Variants in WDFY4 observed in about 807,000 individuals in gnomAD.
WDFY4 encodes the protein WD repeat- and FYVE domain-containing protein 4.
A neutral mutation model predicts 351.9 loss-of-function variants in WDFY4; 169 were observed. The observed-to-expected ratio is 0.48, with a 90% CI of 0.42 to 0.55. WDFY4 has a LOEUF of 0.55. WDFY4 is among the 20% of genes least tolerant of loss of function. WDFY4 has a pLI of 0.00. For synonymous variants in WDFY4, 1,622 were observed against 1,574.6 expected (o/e 1.03, Z -0.71); for missense variants, 3,803 against 3,935.6 (o/e 0.97, Z 0.90).
At chr10:48,878,433 C>T (rs1254831163) in intron 43 of WDFY4, 3 of 152,314 alleles carry the variant, frequency 2.0e-5, no homozygotes, top group Middle Eastern at 3.4e-3. Context: ...AAATGAATTG[C>T]TTATGAACTT....
chr10:48,749,557 C>T (rs1248003017), intron 12 of WDFY4, among the ~76,000 whole-genome samples: 2 of 152,142 alleles, frequency 1.3e-5, no homozygotes, highest in East Asian at 3.9e-4. Context: ...ACACTACATA[C>T]ACACACCATA....
chr10:48,973,588 C>T (rs373119914), intron 57 of WDFY4, among the ~76,000 whole-genome samples: 1 of 152,360 alleles, frequency 6.6e-6, no homozygotes, highest in East Asian at 1.9e-4. Flanking sequence ...AGAATGCCAC[C>T]TCCGTGCCCC....
intron 12 of WDFY4, among the ~76,000 whole-genome samples, chr10:48,748,558 A>T (rs2065081546): frequency 1.3e-5 from 2 of 152,320 alleles, no homozygotes; most frequent in South Asian, 4.1e-4. Context: ...CAGTTTGAAG[A>T]TTGGGTTCTA....
intron 47 of WDFY4, among the ~76,000 whole-genome samples, chr10:48,910,614 C>T (rs1039508680): frequency 2.0e-5 from 3 of 152,162 alleles, no homozygotes; most frequent in Admixed American, 2.0e-4. Flanking sequence ...CATTTCCTGG[C>T]TAAAGAGGTG....
At chr10:48,742,324 C>A (rs2064877315) in intron 11 of WDFY4, among the ~76,000 whole-genome samples, 1 of 152,222 alleles carries the variant, frequency 6.6e-6, no homozygotes, top group African/African-American at 2.4e-5. Flanking sequence ...CTCTTTCTGA[C>A]ACACTCTTTT....
chr10:48,901,922 C>T (rs1837374912), intron 47 of WDFY4, 59 bp downstream of exon 47: 6 of 1,458,586 alleles, frequency 4.1e-6, no homozygotes, highest in African/African-American at 1.4e-5. Flanking sequence ...GATGTTCCTC[C>T]TCTGCCTCAT....
At chr10:48,874,449 C>T (rs1178973370) in intron 41 of WDFY4, among the ~76,000 whole-genome samples, 1 of 152,156 alleles carries the variant, frequency 6.6e-6, no homozygotes, top group Non-Finnish European at 1.5e-5. Flanking sequence ...CTTCTGCATT[C>T]ATCACAAGTA....
chr10:48,978,226 G>A (rs1842658990), intron 59 of WDFY4, 83 bp from the exon 60 acceptor site: 2 of 1,407,668 alleles, frequency 1.4e-6, no homozygotes, highest in Non-Finnish European at 1.9e-6. Flanking sequence ...GGGACCCCTA[G>A]GCGTGAGGAA....
At chr10:48,914,274 G>A (rs1838292969) in intron 47 of WDFY4, 2 of 1,059,652 alleles carry the variant, frequency 1.9e-6, no homozygotes, top group African/African-American at 1.6e-5. Flanking sequence ...AGATGCCAGA[G>A]GGCACTGGGC....
At chr10:48,812,036 C>T (rs2067465164) in intron 30 of WDFY4, among the ~76,000 whole-genome samples, 1 of 152,142 alleles carries the variant, frequency 6.6e-6, no homozygotes, top group African/African-American at 2.4e-5. Flanking sequence ...CACCCCAGCC[C>T]CTCATCCTCA....
In WDFY4 at chr10:48,966,666, G is replaced by T; in HGVS notation, c.8577G>T (p.Thr2859=). The change falls in exon 55 of 62, where the codon ACG becomes ACT. Residue 2859 remains threonine, a synonymous_variant. Transcript: ENST00000325239. ...SLQSLRPSQV[T]VKDMYLFSLG... is the part of the protein sequence containing the mutation. The stretch of plus-strand genomic sequence containing the variant: ...AGTCGCTGAGGCCCTCCCAGGTCAC[G>T]GTCAAAGGTGATTCCCTGGCCATGC... 6.4e-7 allele frequency: 1 copy of T among 1,551,326 alleles called. No homozygotes were observed.
chr10:48,757,640 T>C (rs1258321769), intron 12 of WDFY4, among the ~76,000 whole-genome samples: 2 of 151,724 alleles, frequency 1.3e-5, no homozygotes, highest in African/African-American at 4.8e-5. Flanking sequence ...TGTTTTCTCT[T>C]TTTTTTTACT....
At chr10:48,706,917 T>A (rs187698179) in intron 1 of WDFY4, among the ~76,000 whole-genome samples, 48 of 152,290 alleles carry the variant, frequency 3.2e-4, no homozygotes, top group African/African-American at 1.2e-3. Context: ...AATAAAGGCA[T>A]TGAGGATCTT....
intron 1 of WDFY4, among the ~76,000 whole-genome samples, chr10:48,692,113 G>A (rs1454702742): frequency 6.6e-6 from 1 of 152,230 alleles, no homozygotes; most frequent in African/African-American, 2.4e-5. Context: ...CATGTCCAAT[G>A]TATGCATAGC....
intron 44 of WDFY4, among the ~76,000 whole-genome samples, chr10:48,894,226 C>T (rs931186208): frequency 2.6e-5 from 4 of 152,222 alleles, no homozygotes; most frequent in Admixed American, 6.5e-5. Context: ...CCTAAAAGCT[C>T]GTTACCATTT....
intron 39 of WDFY4, among the ~76,000 whole-genome samples, chr10:48,853,379 A>G (rs2069021466): frequency 6.6e-6 from 1 of 152,166 alleles, no homozygotes; most frequent in South Asian, 2.1e-4. Context: ...AACTTTTCTT[A>G]GTTTGTCTAA....
chr10:48,832,798 G>T, intron 39 of WDFY4, 89 bp downstream of exon 39: 1 of 1,404,028 alleles, frequency 7.1e-7, no homozygotes, highest in South Asian at 1.6e-5. Flanking sequence ...CCTGTTACTA[G>T]ACATGATCTA....
chr10:48,746,769 A>T (rs117727653), intron 12 of WDFY4, among the ~76,000 whole-genome samples: 2,156 of 152,306 alleles, frequency 0.014, 39 homozygotes, highest in Admixed American at 0.045. Context: ...GTTTTTAGTT[A>T]AACAGTATCT....
At chr10:48,745,055 G>A (rs549131726) in intron 12 of WDFY4, among the ~76,000 whole-genome samples, 15 of 151,982 alleles carry the variant, frequency 9.9e-5, no homozygotes, top group Middle Eastern at 3.4e-3. Flanking sequence ...GGCTTATTCT[G>A]GTGTTCTTTT....
Sources: gnomAD v4.1 joint callset for allele counts (sites outside exome capture counted in the v4.1 genomes callset) on GRCh38, gnomAD v4.1.1 for gene constraint, MANE v1.5 for transcripts, NCBI Gene and HGNC (gene_info 2026-07-23, HGNC 2026-07-21) for gene names.